Variants in GPC6 observed in about 807,000 individuals in gnomAD.
The protein encoded by GPC6 is glypican 6.
Under a neutral mutation model 55.2 loss-of-function variants are expected in GPC6, and 14 were observed. That is an observed-to-expected ratio of 0.25 (90% CI 0.17 to 0.40). The LOEUF (loss-of-function observed/expected upper bound fraction) is 0.40, where lower values mean the gene tolerates loss of function less well. Ranked by LOEUF, GPC6 falls within the 10% of genes least tolerant of loss-of-function variation. GPC6 has a pLI of 1.00. For synonymous variants in GPC6, 278 were observed against 259.6 expected, an observed-to-expected ratio of 1.07 and a Z score of -0.68; for missense variants, 641 against 708.5, an observed-to-expected ratio of 0.90 and a Z score of 1.08.
At chr13:94,107,608 G>A (rs1886101964) in intron 4 of GPC6, among the ~76,000 whole-genome samples, 1 of 148,418 alleles carries the variant, frequency 6.7e-6, no homozygotes, top group South Asian at 2.1e-4. Context: ...CTGCAAGATG[G>A]GACTCATGAG....
At chr13:93,759,688 G>A (rs1447317105) in intron 2 of GPC6, among the ~76,000 whole-genome samples, 1 of 152,048 alleles carries the variant, frequency 6.6e-6, no homozygotes, top group Admixed American at 6.6e-5. Flanking sequence ...CTTATTTTCA[G>A]AATTTCCTCC....
intron 3 of GPC6, among the ~76,000 whole-genome samples, chr13:93,976,088 C>T (rs1174858364): frequency 6.6e-6 from 1 of 152,154 alleles, no homozygotes; most frequent in Non-Finnish European, 1.5e-5. Flanking sequence ...GATTCCAGCA[C>T]TCCTCCATTG....
rs34427487 is a variant in GPC6, at chr13:94,228,797, T to TAAA, written c.878-57539_878-57537dup. On this transcript the variant is annotated intron_variant, in intron 4 of 8. Coordinates refer to ENST00000377047, the MANE Select transcript of GPC6 (RefSeq NM_005708.5). ...CAATACACATATATCCTCTTTGGTT[T>TAAA]AAAAAAAAAAAAAAAGTCTAGACAG... Among the ~76,000 whole-genome samples the TAAA allele has an allele frequency of 1.9e-3, 280 of 145,380 alleles. 1 individual carries two copies. Among genetic ancestry groups the TAAA allele is most frequent in the Middle Eastern group, 3.6e-3 (1 of 280 alleles).
At chr13:93,368,054 T>C (rs949932412) in intron 1 of GPC6, among the ~76,000 whole-genome samples, 1 of 152,134 alleles carries the variant, frequency 6.6e-6, no homozygotes, top group Non-Finnish European at 1.5e-5. Context: ...AATTATTGAA[T>C]TGTTTATTTT....
At chr13:93,560,697 T>A (rs2139458187) in intron 2 of GPC6, among the ~76,000 whole-genome samples, 1 of 142,246 alleles carries the variant, frequency 7.0e-6, no homozygotes, top group Non-Finnish European at 1.5e-5. Context: ...GTACTAAAAA[T>A]ACAAAAAATT....
chr13:93,665,791 G>A (rs1017727135), intron 2 of GPC6, among the ~76,000 whole-genome samples: 4 of 152,124 alleles, frequency 2.6e-5, no homozygotes, highest in African/African-American at 9.7e-5. Context: ...ATCTTGTCAT[G>A]TATGTAATTC....
At chr13:93,648,536 C>G (rs149917349) in intron 2 of GPC6, among the ~76,000 whole-genome samples, 4 of 152,280 alleles carry the variant, frequency 2.6e-5, no homozygotes, top group African/African-American at 4.8e-5. Context: ...GCCACTGATT[C>G]TTAATGCTGT....
intron 2 of GPC6, among the ~76,000 whole-genome samples, chr13:93,648,607 TAAAAATGTTTGC>T (rs1429135141): frequency 2.6e-5 from 4 of 152,322 alleles, no homozygotes; most frequent in Admixed American, 2.6e-4. Context: ...CAGAGACTGA[TAAAAATGTTTGC>T]ACTATTAGAA....
At chr13:93,451,207 A>T (rs1566364497) in intron 1 of GPC6, among the ~76,000 whole-genome samples, 1 of 152,244 alleles carries the variant, frequency 6.6e-6, no homozygotes, top group Non-Finnish European at 1.5e-5. Context: ...TGTCTTTAAA[A>T]GTAATTTATA....
chr13:93,361,809 G>C (rs570283987), intron 1 of GPC6, among the ~76,000 whole-genome samples: 1 of 152,100 alleles, frequency 6.6e-6, no homozygotes, highest in Non-Finnish European at 1.5e-5. Flanking sequence ...TTAAAAACCC[G>C]ACTTCAGTAA....
intron 2 of GPC6, among the ~76,000 whole-genome samples, chr13:93,581,477 G>C (rs1291886338): frequency 6.6e-6 from 1 of 152,180 alleles, no homozygotes; most frequent in Non-Finnish European, 1.5e-5. Flanking sequence ...AGAGGCCAAG[G>C]CAGGTAGATT....
intron 2 of GPC6, among the ~76,000 whole-genome samples, chr13:93,795,175 T>G (rs1886158540): frequency 1.3e-5 from 2 of 152,178 alleles, no homozygotes; most frequent in Admixed American, 6.5e-5. Context: ...CTAGGTATAA[T>G]AGTTGTATAT....
intron 2 of GPC6, among the ~76,000 whole-genome samples, chr13:93,821,925 C>T (rs1037547743): frequency 2.6e-5 from 4 of 151,908 alleles, no homozygotes; most frequent in African/African-American, 4.8e-5. Context: ...TATATTTAAG[C>T]ATATTATCTA....
At chr13:93,893,767 A>G (rs1875829685) in intron 3 of GPC6, among the ~76,000 whole-genome samples, 1 of 152,178 alleles carries the variant, frequency 6.6e-6, no homozygotes, top group Admixed American at 6.6e-5. Flanking sequence ...TAATTTCCCT[A>G]TTGAGATTCG....
chr13:94,290,674 C>T (rs1256830238), intron 5 of GPC6, among the ~76,000 whole-genome samples: 1 of 152,116 alleles, frequency 6.6e-6, no homozygotes, highest in African/African-American at 2.4e-5. Context: ...TTAAAATCTA[C>T]TCTCTCAGCA....
intron 4 of GPC6, among the ~76,000 whole-genome samples, chr13:94,153,556 G>A (rs1887820537): frequency 6.6e-6 from 1 of 152,196 alleles, no homozygotes; most frequent in Non-Finnish European, 1.5e-5. Flanking sequence ...CTGGTAGCTA[G>A]TGGGTATGGC....
intron 1 of GPC6, among the ~76,000 whole-genome samples, chr13:93,280,172 G>T (rs553669753): frequency 3.3e-5 from 5 of 152,254 alleles, no homozygotes; most frequent in South Asian, 2.1e-4. Context: ...TCACATGTGG[G>T]GGGGGCCAGA....
intron 1 of GPC6, among the ~76,000 whole-genome samples, chr13:93,332,995 A>G (rs1420893097): frequency 6.6e-6 from 1 of 152,192 alleles, no homozygotes; most frequent in Non-Finnish European, 1.5e-5. Flanking sequence ...GCATTTGTTG[A>G]TAATGAGTTG....
At chr13:93,795,584 A>G (rs1368267625) in intron 2 of GPC6, among the ~76,000 whole-genome samples, 1 of 152,238 alleles carries the variant, frequency 6.6e-6, no homozygotes, top group Non-Finnish European at 1.5e-5. Context: ...AAGGACTAGG[A>G]TGATTGAAAA....
Sources: allele counts gnomAD v4.1 joint callset (sites outside exome capture counted in the v4.1 genomes callset), GRCh38; gene constraint gnomAD v4.1.1; transcripts MANE v1.5; gene names NCBI Gene and HGNC (gene_info 2026-07-23, HGNC 2026-07-21).